The following PJA2 variants were observed in gnomAD, a reference collection of about 807,000 sequenced individuals.
PJA2 encodes praja ring finger ubiquitin ligase 2, also known as E3 ubiquitin-protein ligase Praja-2.
In PJA2, 25 loss-of-function variants were observed where a neutral mutation model predicts 69.3. That is an observed-to-expected ratio of 0.36 (90% confidence interval 0.26 to 0.50). PJA2 has a LOEUF of 0.50. Ranked by LOEUF, PJA2 falls within the 20% of genes least tolerant of loss-of-function variation. The probability of loss-of-function intolerance (pLI) is 0.96; values close to 1 mark genes in which losing one functional copy is unlikely to be tolerated. For synonymous variants in PJA2, 308 were observed against 277.8 expected (o/e 1.11, Z -1.08); for missense variants, 809 against 830.2 (o/e 0.97, Z 0.31).
chr5:109,407,875 T>C (rs1747725338), intron 1 of PJA2, among the ~76,000 whole-genome samples: 1 of 152,148 alleles, frequency 6.6e-6, no homozygotes, highest in South Asian at 2.1e-4. Flanking sequence ...AGAGGCCACA[T>C]TTCTGAGGAG....
intron 7 of PJA2, among the ~76,000 whole-genome samples, chr5:109,347,171 T>C (rs1319107847): frequency 1.3e-5 from 2 of 152,246 alleles, no homozygotes; most frequent in Admixed American, 6.5e-5. Flanking sequence ...AGAGAAACAC[T>C]GCAAAAAGAA....
intron 1 of PJA2, among the ~76,000 whole-genome samples, chr5:109,407,891 C>T (rs1394922733): frequency 2.0e-5 from 3 of 152,038 alleles, no homozygotes; most frequent in Non-Finnish European, 4.4e-5. Flanking sequence ...AGGAGAGAGA[C>T]TCAATACTAT....
At chr5:109,367,867 A>T (rs1352203456) in intron 5 of PJA2, among the ~76,000 whole-genome samples, 1 of 152,230 alleles carries the variant, frequency 6.6e-6, no homozygotes, top group Non-Finnish European at 1.5e-5. Context: ...TGATGCTGAA[A>T]AGACTTTCAT....
At chr5:109,338,849 A>C (rs1297855576) in intron 9 of PJA2, among the ~76,000 whole-genome samples, 1 of 152,146 alleles carries the variant, frequency 6.6e-6, no homozygotes, top group Non-Finnish European at 1.5e-5. Context: ...GTGAGGATTA[A>C]AGGAGAAATC....
At chr5:109,354,034 G>A (rs1762342013) in intron 7 of PJA2, among the ~76,000 whole-genome samples, 1 of 143,962 alleles carries the variant, frequency 6.9e-6, no homozygotes, top group Non-Finnish European at 1.5e-5. Flanking sequence ...GATATCTAGA[G>A]ATATCTATAG....
chr5:109,352,950 T>TATCATAGACATCTATATATTAGATACC (rs1762282815), intron 7 of PJA2, among the ~76,000 whole-genome samples: 4 of 132,450 alleles, frequency 3.0e-5, no homozygotes, highest in Admixed American at 2.3e-4. Context: ...TAGATACCTA[T>TATCATAGACATCTATATATTAGATACC]TATATCTATA....
intron 4 of PJA2, among the ~76,000 whole-genome samples, chr5:109,372,215 G>C (rs1762685433): frequency 6.6e-6 from 1 of 152,014 alleles, no homozygotes; most frequent in Non-Finnish European, 1.5e-5. Context: ...GTGACCTATA[G>C]AATAAAAAGT....
intron 4 of PJA2, among the ~76,000 whole-genome samples, chr5:109,377,762 AG>A (rs1746925622): frequency 6.6e-6 from 1 of 152,204 alleles, no homozygotes; most frequent in East Asian, 1.9e-4. Context: ...GAAGAGCCAC[AG>A]GAAGAACAGA....
At chr5:109,353,692 C>T (rs1448163090) in intron 7 of PJA2, among the ~76,000 whole-genome samples, 1 of 146,516 alleles carries the variant, frequency 6.8e-6, no homozygotes, top group South Asian at 2.2e-4. Flanking sequence ...TATTAGATAC[C>T]TATTATATCT....
chr5:109,347,442 G>A (rs1762188548), intron 7 of PJA2, among the ~76,000 whole-genome samples: 1 of 152,194 alleles, frequency 6.6e-6, no homozygotes, highest in Non-Finnish European at 1.5e-5. Flanking sequence ...TCCAGTGTGG[G>A]TGGCTTCTCC....
intron 4 of PJA2, among the ~76,000 whole-genome samples, chr5:109,377,170 A>G (rs1297898929): frequency 6.6e-6 from 1 of 152,198 alleles, no homozygotes; most frequent in African/African-American, 2.4e-5. Context: ...GTATTATAGT[A>G]GCTTAATTCA....
At chr5:109,398,938 T>C (rs1582630290) in intron 1 of PJA2, among the ~76,000 whole-genome samples, 1 of 151,714 alleles carries the variant, frequency 6.6e-6, no homozygotes, top group African/African-American at 2.4e-5. Flanking sequence ...TGGGGCCGGG[T>C]GCAGGGCTCA....
intron 4 of PJA2, among the ~76,000 whole-genome samples, chr5:109,372,006 G>A (rs1307754084): frequency 6.6e-6 from 1 of 152,118 alleles, no homozygotes; most frequent in Non-Finnish European, 1.5e-5. Context: ...GATAAATAAT[G>A]AGCCATCAAT....
intron 1 of PJA2, among the ~76,000 whole-genome samples, chr5:109,392,254 A>G (rs1016483871): frequency 6.6e-6 from 1 of 152,098 alleles, no homozygotes; most frequent in Non-Finnish European, 1.5e-5. Flanking sequence ...GTATCAATGG[A>G]ATAGGATAGA....
At chr5:109,368,987 T>A (rs1762629096) in intron 4 of PJA2, among the ~76,000 whole-genome samples, 2 of 152,118 alleles carry the variant, frequency 1.3e-5, no homozygotes, top group South Asian at 4.2e-4. Context: ...TCACCAGATC[T>A]GGTTGTTTAA....
chr5:109,408,970 C>G (rs1190041753), intron 1 of PJA2: 1 of 152,110 alleles, frequency 6.6e-6, no homozygotes, highest in Non-Finnish European at 1.5e-5. Flanking sequence ...ACAGAACCAG[C>G]AGACTCAAAA....
Position 109,400,484 on chromosome 5 carries a change from GGA to G in PJA2, c.-88+9356_-88+9357del, listed in dbSNP as rs1216894402. On this transcript the variant is annotated intron_variant, in intron 1 of 9. Coordinates refer to ENST00000361189, the MANE Select transcript of PJA2 (RefSeq NM_014819.5). ...ACAAAAAGAGAGCAAACCAGCAGGG[GGA>G]GGGGGGGGAAGGGCGGGGGGGTGTC... 2.7e-3 allele frequency among the ~76,000 whole-genome samples: 392 copies of G among 147,724 alleles called. 1 individual carries two copies. Among genetic ancestry groups the G allele is most frequent in the Non-Finnish European group, 4.8e-3 (321 of 66,640 alleles).
chr5:109,344,671 G>T, intron 8 of PJA2, 34 bp downstream of exon 8: 2 of 1,358,936 alleles, frequency 1.5e-6, no homozygotes, highest in Non-Finnish European at 2.1e-6. Flanking sequence ...TGTACAATGT[G>T]TTCTTCAACA....
At chr5:109,360,190 T>C (rs745988434) in intron 6 of PJA2, among the ~76,000 whole-genome samples, 9 of 152,208 alleles carry the variant, frequency 5.9e-5, no homozygotes, top group Non-Finnish European at 1.0e-4. Flanking sequence ...ATTAGATTAA[T>C]AAAAACTCAA....
Sources: allele counts gnomAD v4.1 joint callset (sites outside exome capture counted in the v4.1 genomes callset), GRCh38; gene constraint gnomAD v4.1.1; transcripts MANE v1.5; gene names NCBI Gene and HGNC (gene_info 2026-07-23, HGNC 2026-07-21).